Variants in TIMM9 observed in about 807,000 individuals in gnomAD.
TIMM9 encodes mitochondrial import inner membrane translocase subunit Tim9.
Under a neutral mutation model 13.4 loss-of-function variants are expected in TIMM9, and 10 were observed. The ratio of observed to expected loss-of-function variants is 0.75; its 90% CI spans 0.46 to 1.26. TIMM9 has a LOEUF of 1.26. Among genes scored for constraint, TIMM9 ranks in the 50% most tolerant of loss-of-function variants. TIMM9 has a pLI of 0.00. For missense variants in TIMM9, 87 were observed against 100.8 expected, an observed-to-expected ratio of 0.86 and a Z score of 0.58; for synonymous variants, 32 against 32.1, an observed-to-expected ratio of 1.00 and a Z score of 0.01.
At chr14:58,414,036 A>C (rs868053540) in intron 3 of TIMM9, among the ~76,000 whole-genome samples, 14 of 144,302 alleles carry the variant, frequency 9.7e-5, no homozygotes, top group African/African-American at 3.4e-4. Context: ...AAAAAAAAAA[A>C]GGTTTGTATA....
At chr14:58,412,186 AG>A in intron 3 of TIMM9, 1 of 415,678 alleles carries the variant, frequency 2.4e-6, no homozygotes, top group Non-Finnish European at 4.4e-6. Flanking sequence ...CTCTGTCACC[AG>A]GCTGGAGCGC....
At chr14:58,423,884 A>C (rs2036662554) in intron 3 of TIMM9, 124 bp downstream of exon 3, 1 of 152,210 alleles carries the variant, frequency 6.6e-6, no homozygotes, top group Admixed American at 6.5e-5. Flanking sequence ...CAAATTCAAG[A>C]ATCACTGGCT....
chr14:58,424,528 T>C (rs949769491), intron 2 of TIMM9, among the ~76,000 whole-genome samples: 3 of 152,238 alleles, frequency 2.0e-5, no homozygotes, highest in Non-Finnish European at 4.4e-5. Flanking sequence ...TAAGCTATTA[T>C]GACACATATC....
intron 3 of TIMM9, among the ~76,000 whole-genome samples, chr14:58,413,502 T>G (rs542100166): frequency 6.6e-6 from 1 of 152,198 alleles, no homozygotes; most frequent in Non-Finnish European, 1.5e-5. Context: ...TCACAGAGAC[T>G]AATCAGAGAC....
intron 2 of TIMM9, among the ~76,000 whole-genome samples, chr14:58,425,544 G>GAA (rs764283280): frequency 7.6e-4 from 95 of 124,948 alleles, no homozygotes; most frequent in Middle Eastern, 4.3e-3. Flanking sequence ...CCTGTCTCTG[G>GAA]AAAAAAAAAA....
Position 58,408,582 on chromosome 14 carries a change from A to G in TIMM9, c.*452T>C. The G allele has an allele frequency of 6.2e-7, 1 of 1,613,892 alleles. No homozygotes were observed. The highest frequency in any genetic ancestry group is 8.5e-7 in the Non-Finnish European group (1 of 1,179,860). ...ACTGCTTGGAGGATGATCCTGATTG[A>G]AAAACATTTCAACGTATCCACAGTC... On this transcript the variant is annotated 3_prime_UTR_variant, in exon 6 of 6. Coordinates refer to ENST00000395159, the MANE Select transcript of TIMM9 (RefSeq NM_012460.4).
intron 4 of TIMM9, among the ~76,000 whole-genome samples, 191 bp from the exon 5 acceptor site, chr14:58,411,129 T>G (rs749807011): frequency 1.4e-4 from 22 of 152,220 alleles, no homozygotes; most frequent in Non-Finnish European, 2.2e-4. Context: ...ATTTAATTTT[T>G]CCTTGATTAT....
intron 2 of TIMM9, among the ~76,000 whole-genome samples, chr14:58,425,787 A>G (rs536081475): frequency 6.6e-6 from 1 of 152,282 alleles, no homozygotes; most frequent in East Asian, 1.9e-4. Flanking sequence ...AACAAGTACC[A>G]CCTATGAGCC....
Position 58,424,724 on chromosome 14 carries a change from C to T in TIMM9, c.-114-629G>A, listed in dbSNP as rs1321850184. On this transcript the variant is annotated intron_variant, in intron 2 of 5. Coordinates refer to ENST00000395159, the MANE Select transcript of TIMM9 (RefSeq NM_012460.4). ...CTCTACAAAAAATACAAAAATGAGC[C>T]GGCATGGTGGTGTGCACCTGTAGTC... Among the ~76,000 whole-genome samples, 4 of 151,902 alleles carry T rather than the reference C, an allele frequency of 2.6e-5. No individual in the cohort carries two copies. In the South Asian group the frequency reaches 8.3e-4, roughly 32 times the overall value.
At chr14:58,410,247 G>A (rs572004139) in intron 5 of TIMM9, among the ~76,000 whole-genome samples, 1 of 151,496 alleles carries the variant, frequency 6.6e-6, no homozygotes, top group African/African-American at 2.4e-5. Flanking sequence ...ATTTTTTTTT[G>A]TATTTTTTGT....
chr14:58,417,195 A>G lies in TIMM9; in HGVS notation c.-26-5224T>C, dbSNP rs1045267709. Among the ~76,000 whole-genome samples the G allele has an allele frequency of 5.9e-5, 9 of 152,222 alleles. No individual in the cohort carries two copies. The East Asian group carries it at 1.7e-3, about 29-fold the overall frequency. ...GGCCTCCCCAGCCATGTGGAACTGTAAGTCCATTAAACCTCTTTCTTTTGT... is the reference window on the plus strand; with the variant it reads ...GGCCTCCCCAGCCATGTGGAACTGTGAGTCCATTAAACCTCTTTCTTTTGT... On this transcript the variant is annotated intron_variant, in intron 3 of 5. Coordinates refer to ENST00000395159, the MANE Select transcript of TIMM9 (RefSeq NM_012460.4).
intron 3 of TIMM9, among the ~76,000 whole-genome samples, chr14:58,418,279 C>A (rs1250157461): frequency 6.6e-6 from 1 of 152,086 alleles, no homozygotes; most frequent in Non-Finnish European, 1.5e-5. Context: ...AATACCCATT[C>A]ATAGCAAAAT....
intron 4 of TIMM9, among the ~76,000 whole-genome samples, chr14:58,411,633 G>T (rs2036220225): frequency 6.6e-6 from 1 of 151,644 alleles, no homozygotes; most frequent in Admixed American, 6.6e-5. Flanking sequence ...TCTGCTTCCT[G>T]GGTCAAGCAA....
chr14:58,411,587 T>C (rs2036218213), intron 4 of TIMM9, among the ~76,000 whole-genome samples: 1 of 151,980 alleles, frequency 6.6e-6, no homozygotes, highest in Admixed American at 6.5e-5. Flanking sequence ...TCACCCAGGC[T>C]GGAGTGCAAT....
At chr14:58,418,858 A>C (rs2036498183) in intron 3 of TIMM9, among the ~76,000 whole-genome samples, 1 of 152,178 alleles carries the variant, frequency 6.6e-6, no homozygotes, top group Non-Finnish European at 1.5e-5. Context: ...TCAATATAGT[A>C]AGAATGCCAA....
intron 3 of TIMM9, among the ~76,000 whole-genome samples, chr14:58,416,708 A>G (rs1442333186): frequency 6.6e-6 from 1 of 152,230 alleles, no homozygotes; most frequent in Non-Finnish European, 1.5e-5. Context: ...GTAGACAATT[A>G]AGGTTTCTAT....
At chr14:58,414,239 A>C (rs2036321391) in intron 3 of TIMM9, among the ~76,000 whole-genome samples, 1 of 152,102 alleles carries the variant, frequency 6.6e-6, no homozygotes, top group South Asian at 2.1e-4. Context: ...GGAAAACATA[A>C]ATTCTTTATG....
chr14:58,421,595 A>G (rs2036589788), intron 3 of TIMM9, among the ~76,000 whole-genome samples: 1 of 152,180 alleles, frequency 6.6e-6, no homozygotes, highest in Non-Finnish European at 1.5e-5. Flanking sequence ...AATAAAGAAA[A>G]AAAATGTTAT....
chr14:58,427,513 T>G lies in TIMM9; in HGVS notation c.-425A>C. On this transcript the variant is annotated 5_prime_UTR_variant, in exon 1 of 6. Coordinates refer to ENST00000395159, the MANE Select transcript of TIMM9 (RefSeq NM_012460.4). The stretch of plus-strand genomic sequence containing the variant: ...TGGATGAGACTGTAGAGCGGTCTTG[T>G]GCGGCAATGTGCTACCTTAAAATAA... 2 of 1,401,424 alleles carry G rather than the reference T, an allele frequency of 1.4e-6. No homozygotes were observed. The highest frequency in any genetic ancestry group is 1.9e-6 in the Non-Finnish European group (2 of 1,028,164). 86.8% of individuals were successfully genotyped at this position (1,401,424 alleles called of 1,614,324 possible).
Sources: allele counts gnomAD v4.1 joint callset (sites outside exome capture counted in the v4.1 genomes callset), GRCh38; gene constraint gnomAD v4.1.1; transcripts MANE v1.5; gene names NCBI Gene and HGNC (gene_info 2026-07-23, HGNC 2026-07-21).